The following THSD7B variants were observed in gnomAD, a reference collection of about 807,000 sequenced individuals.
THSD7B encodes the protein thrombospondin type-1 domain-containing protein 7B.
A neutral mutation model predicts 213.6 loss-of-function variants in THSD7B; 138 were observed. The observed-to-expected ratio is 0.65, with a 90% CI of 0.56 to 0.74. The LOEUF is 0.74. Among genes scored for constraint, THSD7B ranks in the 30% least tolerant of loss-of-function variants. The pLI is 0.00. For missense variants in THSD7B, 1,931 were observed against 1,991.5 expected, an observed-to-expected ratio of 0.97 and a Z score of 0.58; for synonymous variants, 742 against 687.0, an observed-to-expected ratio of 1.08 and a Z score of -1.25.
At chr2:137,283,741 A>C (rs370264152) in intron 12 of THSD7B, among the ~76,000 whole-genome samples, 3 of 151,914 alleles carry the variant, frequency 2.0e-5, no homozygotes, top group Non-Finnish European at 4.4e-5. Flanking sequence ...GCATCCCAGG[A>C]ATGAAGCCCA....
intron 20 of THSD7B, among the ~76,000 whole-genome samples, chr2:137,638,707 C>A (rs1438619270): frequency 6.6e-6 from 1 of 152,110 alleles, no homozygotes; most frequent in African/African-American, 2.4e-5. Context: ...GTGATATGAA[C>A]AATAAAGTTC....
chr2:136,820,584 G>A (rs1168530646), intron 1 of THSD7B, among the ~76,000 whole-genome samples: 2 of 152,078 alleles, frequency 1.3e-5, no homozygotes, highest in African/African-American at 4.8e-5. Flanking sequence ...CTGGACTAAG[G>A]GGAACAAAAG....
intron 10 of THSD7B, 78 bp downstream of exon 10, chr2:137,242,650 G>T: frequency 1.9e-6 from 2 of 1,062,746 alleles, no homozygotes; most frequent in Admixed American, 2.5e-5. Flanking sequence ...GAGAGGTTGT[G>T]GAATGTGAGC....
At chr2:136,803,980 T>G (rs1489111680) in intron 1 of THSD7B, among the ~76,000 whole-genome samples, 1 of 152,176 alleles carries the variant, frequency 6.6e-6, no homozygotes, top group African/African-American at 2.4e-5. Flanking sequence ...CTACTTTACT[T>G]AGTTCATCAA....
chr2:137,241,844 G>A lies in THSD7B; in HGVS notation c.2151-613G>A, dbSNP rs1485357342. Among the ~76,000 whole-genome samples, 5 of 151,710 alleles carry A rather than the reference G, an allele frequency of 3.3e-5. 1 individual carries two copies. The highest frequency in any genetic ancestry group is 6.4e-3 in the Middle Eastern group (2 of 314). ...GAGTCACTTGAACTTGGGAGGTGGA[G>A]GTTGCAGTGAGCCGAGATCGTGCCA... On this transcript the variant is annotated intron_variant, in intron 9 of 27. Transcript: ENST00000409968.
chr2:136,980,434 C>A (rs1417073560), intron 2 of THSD7B, among the ~76,000 whole-genome samples: 1 of 152,164 alleles, frequency 6.6e-6, no homozygotes, highest in African/African-American at 2.4e-5. Context: ...GTCCATAAAG[C>A]CCTGGCTGGA....
chr2:137,477,986 T>C (rs545036110), intron 15 of THSD7B, among the ~76,000 whole-genome samples: 1 of 152,132 alleles, frequency 6.6e-6, no homozygotes, highest in Admixed American at 6.5e-5. Context: ...TAAGTAGCTA[T>C]ATGCTGTTCT....
intron 2 of THSD7B, among the ~76,000 whole-genome samples, chr2:136,966,434 C>T (rs1253237967): frequency 2.0e-5 from 3 of 152,088 alleles, no homozygotes; most frequent in Non-Finnish European, 2.9e-5. Context: ...TCAGGGTGGT[C>T]TCAAACTCTT....
chr2:137,321,086 A>G (rs148439260), intron 12 of THSD7B, among the ~76,000 whole-genome samples: 2 of 152,380 alleles, frequency 1.3e-5, no homozygotes, highest in East Asian at 1.9e-4. Flanking sequence ...GATTAGTTAT[A>G]TAAAGTCCTC....
At chr2:136,851,009 A>G (rs1422085152) in intron 1 of THSD7B, among the ~76,000 whole-genome samples, 1 of 152,040 alleles carries the variant, frequency 6.6e-6, no homozygotes, top group Non-Finnish European at 1.5e-5. Context: ...TTTGTTGCTG[A>G]TGAATACTCT....
chr2:137,578,972 A>T (rs1681520425), intron 17 of THSD7B, among the ~76,000 whole-genome samples: 1 of 152,178 alleles, frequency 6.6e-6, no homozygotes, highest in Admixed American at 6.5e-5. Flanking sequence ...TGGACAGAAA[A>T]ATATTTGAAG....
chr2:137,538,656 T>A (rs968765304), intron 15 of THSD7B, among the ~76,000 whole-genome samples: 2 of 151,740 alleles, frequency 1.3e-5, no homozygotes, highest in Non-Finnish European at 3.0e-5. Flanking sequence ...AGTCACTTTC[T>A]CAAACGTTGC....
Position 137,199,807 on chromosome 2 carries a change from T to G in THSD7B, c.1723+28869T>G, listed in dbSNP as rs561332489. ...ATATGCAAATATGAGAATTTTGCAT[T>G]ATACTTTTGAACTTTACTTGATAAT... On this transcript the variant is annotated intron_variant, in intron 7 of 27. Coordinates refer to ENST00000409968, the MANE Select transcript of THSD7B (RefSeq NM_001316349.2). Among the ~76,000 whole-genome samples the G allele has an allele frequency of 7.9e-5, 12 of 152,290 alleles. No homozygotes were observed. The South Asian group carries it at 2.5e-3, about 32-fold the overall frequency.
intron 12 of THSD7B, among the ~76,000 whole-genome samples, chr2:137,363,688 G>T (rs1375704714): frequency 6.6e-6 from 1 of 152,192 alleles, no homozygotes; most frequent in African/African-American, 2.4e-5. Context: ...GCTAAACCAG[G>T]AAGAAGTTGA....
At chr2:137,180,812 C>T (rs1680439229) in intron 7 of THSD7B, among the ~76,000 whole-genome samples, 1 of 152,170 alleles carries the variant, frequency 6.6e-6, no homozygotes, top group Admixed American at 6.5e-5. Flanking sequence ...CTGTACCAGA[C>T]TATGCAATAA....
At chr2:137,473,948 A>C (rs1026670011) in intron 15 of THSD7B, among the ~76,000 whole-genome samples, 3 of 152,214 alleles carry the variant, frequency 2.0e-5, no homozygotes, top group Admixed American at 2.0e-4. Context: ...AAAGGAAATG[A>C]AACTGCATTT....
intron 1 of THSD7B, among the ~76,000 whole-genome samples, chr2:136,852,702 G>A (rs1042169054): frequency 2.6e-5 from 4 of 152,020 alleles, no homozygotes; most frequent in Non-Finnish European, 1.5e-5. Flanking sequence ...TTTGCTTTAT[G>A]ATTTATCTTT....
intron 1 of THSD7B, among the ~76,000 whole-genome samples, chr2:136,816,234 G>A (rs1300771713): frequency 6.6e-6 from 1 of 152,196 alleles, no homozygotes; most frequent in East Asian, 1.9e-4. Context: ...GTGTTTGTTT[G>A]CCCCATTCTT....
In THSD7B at chr2:137,283,783, T is replaced by C. The variant is rs374592453; in HGVS notation, c.2500+7757T>C. Among the ~76,000 whole-genome samples, 7 of 152,186 alleles carry C rather than the reference T, an allele frequency of 4.6e-5. 1 individual carries two copies. Among genetic ancestry groups the C allele is most frequent in the Non-Finnish European group, 1.0e-4 (7 of 67,996 alleles). Reference sequence around the variant, plus strand: ...CATGGTGGATAAGCTTTTTGATGTGTTGCTGGATTCGGTTTGCCAGTATTT... The same window carrying C: ...CATGGTGGATAAGCTTTTTGATGTGCTGCTGGATTCGGTTTGCCAGTATTT... On this transcript the variant is annotated intron_variant, in intron 12 of 27. Transcript: ENST00000409968.
Sources: gnomAD v4.1 joint callset for allele counts (sites outside exome capture counted in the v4.1 genomes callset) on GRCh38, gnomAD v4.1.1 for gene constraint, MANE v1.5 for transcripts, NCBI Gene and HGNC (gene_info 2026-07-23, HGNC 2026-07-21) for gene names.